CTNNA3: variants seen among roughly 807,000 people sequenced by gnomAD.
CTNNA3 encodes catenin alpha 3.
CTNNA3 carries 76 observed loss-of-function variants against 95.7 expected under a neutral mutation model. That is an observed-to-expected ratio of 0.79 (90% confidence interval 0.66 to 0.96). The LOEUF (loss-of-function observed/expected upper bound fraction) is 0.96. CTNNA3 is among the 40% of genes least tolerant of loss of function. The pLI, the probability that CTNNA3 is intolerant of heterozygous loss-of-function variation, is 0.00. For missense variants in CTNNA3, 1,191 were observed against 1,089.8 expected (o/e 1.09, Z -1.31); for synonymous variants, 431 against 374.4 (o/e 1.15, Z -1.74).
intron 10 of CTNNA3, among the ~76,000 whole-genome samples, chr10:66,532,517 G>A (rs887764808): frequency 2.6e-5 from 4 of 151,226 alleles, no homozygotes; most frequent in Non-Finnish European, 5.9e-5. Flanking sequence ...CTTGGGATTA[G>A]ACATATTCTT....
At chr10:66,740,069 G>T (rs1312468556) in intron 9 of CTNNA3, among the ~76,000 whole-genome samples, 3 of 152,212 alleles carry the variant, frequency 2.0e-5, no homozygotes, top group Non-Finnish European at 4.4e-5. Flanking sequence ...GTGCAGAATT[G>T]TGGGTCACTG....
At chr10:67,465,615 A>G (rs1370445130) in intron 5 of CTNNA3, among the ~76,000 whole-genome samples, 1 of 152,178 alleles carries the variant, frequency 6.6e-6, no homozygotes, top group Non-Finnish European at 1.5e-5. Flanking sequence ...ATTATCCTTG[A>G]TAATACTGTA....
intron 5 of CTNNA3, among the ~76,000 whole-genome samples, chr10:67,495,991 A>T (rs1443860587): frequency 2.0e-5 from 3 of 152,196 alleles, no homozygotes; most frequent in Non-Finnish European, 4.4e-5. Context: ...TCATAAATGA[A>T]TATTCACATG....
intron 7 of CTNNA3, among the ~76,000 whole-genome samples, chr10:67,058,619 G>C (rs1855577584): frequency 6.6e-6 from 1 of 151,710 alleles, no homozygotes; most frequent in African/African-American, 2.4e-5. Flanking sequence ...TTTTTTTTCT[G>C]TGCGCAGAAG....
intron 7 of CTNNA3, among the ~76,000 whole-genome samples, chr10:66,811,050 T>A (rs1169307376): frequency 2.0e-5 from 3 of 152,192 alleles, no homozygotes; most frequent in African/African-American, 7.2e-5. Context: ...AAATTATCAA[T>A]GTAGGTGCTG....
intron 14 of CTNNA3, among the ~76,000 whole-genome samples, chr10:66,089,020 G>A (rs1017773112): frequency 6.6e-6 from 1 of 151,876 alleles, no homozygotes; most frequent in Non-Finnish European, 1.5e-5. Context: ...CTCCTCAAAT[G>A]GATGTTTGTC....
Position 66,766,401 on chromosome 10 carries a change from T to C in CTNNA3, c.1144A>G (p.Ile382Val), listed in dbSNP as rs1312731220. Residue 382 changes from isoleucine to valine, a missense_variant, in exon 9 of 18, where the codon ATA (isoleucine) becomes GTA (valine). Coordinates refer to ENST00000433211, the MANE Select transcript of CTNNA3 (RefSeq NM_013266.4). ...AGGAAAGAGTCTGACACATGATCTATAATAGCCTTGCGGAGCTGAGAAGAA... is the reference window on the plus strand; with the variant it reads ...AGGAAAGAGTCTGACACATGATCTACAATAGCCTTGCGGAGCTGAGAAGAA... ...DLRRQLRKAI[I>V]DHVSDSFLDT... is the part of the protein sequence containing the mutation. The C allele has an allele frequency of 2.5e-6, 4 of 1,613,006 alleles. No individual in the cohort carries two copies. The East Asian group carries it at 6.7e-5, about 27-fold the overall frequency.
chr10:66,700,349 T>C (rs920136364), intron 9 of CTNNA3, among the ~76,000 whole-genome samples: 2 of 151,170 alleles, frequency 1.3e-5, no homozygotes, highest in South Asian at 4.2e-4. Flanking sequence ...TCTTTGCCTG[T>C]GGATATCCAG....
At chr10:67,477,605 T>A (rs1848068301) in intron 5 of CTNNA3, among the ~76,000 whole-genome samples, 1 of 152,152 alleles carries the variant, frequency 6.6e-6, no homozygotes. Flanking sequence ...TACCCATCAT[T>A]GTCTACAGTC....
chr10:67,470,323 C>T (rs952139105), intron 5 of CTNNA3, among the ~76,000 whole-genome samples: 2 of 152,088 alleles, frequency 1.3e-5, no homozygotes, highest in African/African-American at 4.8e-5. Flanking sequence ...TGTATAAGTA[C>T]CACATTTTCT....
intron 12 of CTNNA3, among the ~76,000 whole-genome samples, chr10:66,295,655 G>T (rs769009965): frequency 6.6e-6 from 1 of 152,144 alleles, no homozygotes; most frequent in Non-Finnish European, 1.5e-5. Flanking sequence ...TGACCCTAAG[G>T]CTACAAGGCC....
intron 13 of CTNNA3, among the ~76,000 whole-genome samples, chr10:66,139,254 C>T (rs2083493730): frequency 6.6e-6 from 1 of 152,144 alleles, no homozygotes; most frequent in Non-Finnish European, 1.5e-5. Context: ...TCCATTTATT[C>T]ACACTGTATT....
intron 13 of CTNNA3, among the ~76,000 whole-genome samples, chr10:66,108,688 T>C (rs2082000850): frequency 6.6e-6 from 1 of 152,170 alleles, no homozygotes; most frequent in South Asian, 2.1e-4. Context: ...GGATGTTGTT[T>C]GTCTTGTTTT....
intron 7 of CTNNA3, among the ~76,000 whole-genome samples, chr10:66,793,108 G>A (rs7921478): frequency 0.019 from 2,826 of 152,158 alleles, 68 homozygotes; most frequent in African/African-American, 0.064. Context: ...ATCCACAGGT[G>A]TAATGAGGTT....
chr10:67,417,339 G>C (rs556212623), intron 5 of CTNNA3, among the ~76,000 whole-genome samples: 2 of 152,228 alleles, frequency 1.3e-5, no homozygotes, highest in Admixed American at 1.3e-4. Context: ...CTACCTACCA[G>C]GTACTAGGCT....
At chr10:67,069,634 TTCTG>T (rs908045591) in intron 7 of CTNNA3, among the ~76,000 whole-genome samples, 2 of 141,928 alleles carry the variant, frequency 1.4e-5, no homozygotes, top group African/African-American at 5.2e-5. Flanking sequence ...CATAGATTAG[TTCTG>T]TCTGTTTTTG....
At chr10:66,386,759 A>G (rs1564918394) in intron 11 of CTNNA3, among the ~76,000 whole-genome samples, 3 of 152,170 alleles carry the variant, frequency 2.0e-5, no homozygotes, top group Non-Finnish European at 4.4e-5. Flanking sequence ...ATATAGACCA[A>G]TGGAACAGAA....
intron 11 of CTNNA3, among the ~76,000 whole-genome samples, chr10:66,478,407 TTTA>T (rs1369431557): frequency 1.3e-5 from 2 of 152,048 alleles, no homozygotes; most frequent in African/African-American, 4.8e-5. Context: ...CATGTTCAGC[TTTA>T]TTAAGATAAT....
chr10:66,844,289 C>G (rs747526280), intron 7 of CTNNA3, among the ~76,000 whole-genome samples: 1 of 152,152 alleles, frequency 6.6e-6, no homozygotes, highest in Non-Finnish European at 1.5e-5. Context: ...AGGGTATGTT[C>G]TATTCCTTGG....
Sources: gnomAD v4.1 joint callset for allele counts (sites outside exome capture counted in the v4.1 genomes callset) on GRCh38, gnomAD v4.1.1 for gene constraint, MANE v1.5 for transcripts, NCBI Gene and HGNC (gene_info 2026-07-23, HGNC 2026-07-21) for gene names.